Variants in RBM20 observed in about 807,000 individuals in gnomAD.
RBM20 encodes the protein RNA-binding protein 20.
A neutral mutation model predicts 110.1 loss-of-function variants in RBM20; 51 were observed. That is an observed-to-expected ratio of 0.46 (90% CI 0.37 to 0.59). The LOEUF (loss-of-function observed/expected upper bound fraction) is 0.59. RBM20 is among the 20% of genes least tolerant of loss of function. RBM20 has a pLI of 0.00. For missense variants in RBM20, 1,512 were observed against 1,574.9 expected, an observed-to-expected ratio of 0.96 and a Z score of 0.68; for synonymous variants, 589 against 618.2, an observed-to-expected ratio of 0.95 and a Z score of 0.70.
chr10:110,784,268 G>A, intron 3 of RBM20, 73 bp from the exon 4 acceptor site: 6 of 1,154,366 alleles, frequency 5.2e-6, no homozygotes, highest in Non-Finnish European at 7.6e-6. Context: ...CCTACGAGTG[G>A]AATTTCTGGG....
intron 1 of RBM20, among the ~76,000 whole-genome samples, chr10:110,683,978 C>T (rs1477545019): frequency 1.3e-5 from 2 of 152,154 alleles, no homozygotes; most frequent in Non-Finnish European, 2.9e-5. Flanking sequence ...GTATGCCTCA[C>T]TCTGAAATAT....
intron 1 of RBM20, among the ~76,000 whole-genome samples, chr10:110,702,196 T>A (rs1056338953): frequency 6.6e-6 from 1 of 152,348 alleles, no homozygotes; most frequent in Non-Finnish European, 1.5e-5. Flanking sequence ...TCTCACCAAG[T>A]GGAAGATTTT....
At chr10:110,668,599 A>G (rs1013345370) in intron 1 of RBM20, among the ~76,000 whole-genome samples, 1 of 118,204 alleles carries the variant, frequency 8.5e-6, no homozygotes, top group Admixed American at 8.2e-5. Context: ...AGGTGGAGGG[A>G]GGGAGAGGAA....
intron 1 of RBM20, among the ~76,000 whole-genome samples, chr10:110,747,296 T>TGGG (rs370293230): frequency 2.9e-5 from 4 of 136,908 alleles, no homozygotes; most frequent in African/African-American, 1.1e-4. Flanking sequence ...ACTCTTTTTT[T>TGGG]GGGGGGGGGG....
chr10:110,723,164 A>G (rs979165842), intron 1 of RBM20, among the ~76,000 whole-genome samples: 5 of 151,980 alleles, frequency 3.3e-5, no homozygotes, highest in African/African-American at 1.2e-4. Flanking sequence ...GGAGGTGGGT[A>G]CTGTTTTGTT....
chr10:110,684,837 A>T (rs1047953171), intron 1 of RBM20, among the ~76,000 whole-genome samples: 1 of 152,238 alleles, frequency 6.6e-6, no homozygotes, highest in African/African-American at 2.4e-5. Context: ...AAATAAAGTT[A>T]TGAGTCAGAT....
Position 110,756,966 on chromosome 10 carries a change from A to C in RBM20, c.192-23835A>C, listed in dbSNP as rs138970107. On this transcript the variant is annotated intron_variant, in intron 1 of 13. Coordinates refer to ENST00000369519, the MANE Select transcript of RBM20 (RefSeq NM_001134363.3). ...GAGATCAGTTAAAGCCTCAGCAAAC[A>C]ATTGCCATGTGCTCTTTCAGGGAAA... 5.8e-3 allele frequency among the ~76,000 whole-genome samples: 877 copies of C among 152,312 alleles called. 2 individuals carry two copies. The highest frequency in any genetic ancestry group is 0.01 in the Non-Finnish European group (702 of 68,032).
intron 1 of RBM20, among the ~76,000 whole-genome samples, chr10:110,685,800 T>C (rs532539075): frequency 4.6e-5 from 7 of 150,898 alleles, no homozygotes; most frequent in Admixed American, 4.6e-4. Context: ...AGGGCAAGAC[T>C]TTTTTTTTCG....
chr10:110,669,201 G>A (rs367591202), intron 1 of RBM20, among the ~76,000 whole-genome samples: 19 of 152,192 alleles, frequency 1.2e-4, no homozygotes, highest in African/African-American at 4.6e-4. Flanking sequence ...ATCCACTGAC[G>A]GTGAGCTTGC....
chr10:110,656,285 G>A lies in RBM20; in HGVS notation c.191+11640G>A, dbSNP rs186291163. ...ATAGCGCCATTGCACTCCAGCCTGGGCAACAAGAGCAAAACTCCATCTCGA... is the reference window on the plus strand; with the variant it reads ...ATAGCGCCATTGCACTCCAGCCTGGACAACAAGAGCAAAACTCCATCTCGA... On this transcript the variant is annotated intron_variant, in intron 1 of 13. Coordinates refer to ENST00000369519, the MANE Select transcript of RBM20 (RefSeq NM_001134363.3). Among the ~76,000 whole-genome samples, 6 of 152,098 alleles carry A rather than the reference G, an allele frequency of 3.9e-5. No individual in the cohort carries two copies. In the East Asian group the frequency reaches 1.2e-3, roughly 29 times the overall value.
intron 1 of RBM20, among the ~76,000 whole-genome samples, chr10:110,707,004 T>C (rs530993038): frequency 3.9e-5 from 6 of 152,342 alleles, no homozygotes; most frequent in African/African-American, 1.4e-4. Flanking sequence ...AGGGAGGCTC[T>C]AGGATGGCTA....
Position 110,756,481 on chromosome 10 carries a change from T to A in RBM20, c.192-24320T>A, listed in dbSNP as rs1281113288. The A allele has an allele frequency of 2.0e-5, 3 of 152,206 alleles. No homozygotes were observed. The East Asian group carries it at 5.8e-4, about 29-fold the overall frequency. 9.4% of individuals were successfully genotyped at this position (152,206 alleles called of 1,614,324 possible). A position where few individuals can be genotyped will look rare whatever the true frequency, so the allele number is the denominator to read the frequency against. ...GGCTGTGAAAGTGATCTGGCTAGGA[T>A]GTTTGTCATCCCATTGCTCACGAGG... On this transcript the variant is annotated intron_variant, in intron 1 of 13. Transcript: ENST00000369519.
intron 1 of RBM20, among the ~76,000 whole-genome samples, chr10:110,706,946 A>AT (rs1440409414): frequency 1.2e-4 from 19 of 152,332 alleles, no homozygotes; most frequent in African/African-American, 4.6e-4. Flanking sequence ...AGCTATTCTT[A>AT]TGCATGACAT....
chr10:110,698,090 A>T (rs1862694788), intron 1 of RBM20, among the ~76,000 whole-genome samples: 1 of 151,792 alleles, frequency 6.6e-6, no homozygotes, highest in Admixed American at 6.6e-5. Context: ...TTGTATTTTT[A>T]GTAGAGACGG....
At chr10:110,663,306 A>C (rs574638895) in intron 1 of RBM20, among the ~76,000 whole-genome samples, 4 of 152,188 alleles carry the variant, frequency 2.6e-5, no homozygotes, top group Admixed American at 1.3e-4. Context: ...TACACATTCC[A>C]CACCCTGATA....
chr10:110,783,763 T>C (rs1186916532), intron 3 of RBM20, among the ~76,000 whole-genome samples: 1 of 152,220 alleles, frequency 6.6e-6, no homozygotes, highest in Non-Finnish European at 1.5e-5. Context: ...TTTAAATACT[T>C]TGAAAATACT....
intron 1 of RBM20, among the ~76,000 whole-genome samples, chr10:110,657,038 A>G (rs1222897929): frequency 6.8e-6 from 1 of 146,380 alleles, no homozygotes; most frequent in African/African-American, 2.5e-5. Context: ...TTTTTTTGAG[A>G]TGGAATCTTG....
intron 6 of RBM20, among the ~76,000 whole-genome samples, chr10:110,799,008 G>A (rs111856267): frequency 6.6e-6 from 1 of 152,324 alleles, no homozygotes; most frequent in African/African-American, 2.4e-5. Flanking sequence ...TTTTATCAGA[G>A]CAGTTAAATA....
chr10:110,820,279 C>T, intron 10 of RBM20, 103 bp downstream of exon 10: 1 of 725,948 alleles, frequency 1.4e-6, no homozygotes, highest in Non-Finnish European at 2.3e-6. Context: ...TGGCTGAGAC[C>T]CCACCATTAG....
Sources: gnomAD v4.1 joint callset for allele counts (sites outside exome capture counted in the v4.1 genomes callset) on GRCh38, gnomAD v4.1.1 for gene constraint, MANE v1.5 for transcripts, NCBI Gene and HGNC (gene_info 2026-07-23, HGNC 2026-07-21) for gene names.